Variants in CAB39L observed in about 807,000 individuals in gnomAD.
CAB39L encodes calcium-binding protein 39-like.
Under a neutral mutation model 39.1 loss-of-function variants are expected in CAB39L, and 23 were observed. That is an observed-to-expected ratio of 0.59 (90% CI 0.42 to 0.83). The LOEUF (loss-of-function observed/expected upper bound fraction) is 0.83. Among genes scored for constraint, CAB39L ranks in the 40% least tolerant of loss-of-function variants. CAB39L has a pLI of 0.00. For synonymous variants in CAB39L, 126 were observed against 137.2 expected (o/e 0.92, Z 0.57); for missense variants, 366 against 391.9 (o/e 0.93, Z 0.56).
chr13:49,428,562 T>C (rs888769765), intron 3 of CAB39L, among the ~76,000 whole-genome samples: 11 of 152,106 alleles, frequency 7.2e-5, no homozygotes, highest in Non-Finnish European at 1.0e-4. Context: ...TGCAGTGGCT[T>C]GGCAATTCCA....
chr13:49,439,506 T>A (rs954073961), intron 1 of CAB39L, among the ~76,000 whole-genome samples: 2 of 152,204 alleles, frequency 1.3e-5, no homozygotes, highest in Non-Finnish European at 2.9e-5. Flanking sequence ...GATGGACACA[T>A]AGGTTGATTC....
rs768858846 is a variant in CAB39L at position 49,310,975 on chromosome 13, G to A, written c.853C>T (p.His285Tyr). The change falls in exon 11 of 11, where the codon CAC becomes TAC. Residue 285 changes from histidine to tyrosine, a missense_variant. His to Tyr is a moderately conservative substitution (Grantham distance 83, BLOSUM62 2). Transcript: ENST00000409308. ...ATCTCCACAATAGGCTGTGTTTTGT[G>A]AGGACTGGCCACAAACACCTGAAAC... is the stretch of plus-strand genomic sequence containing the variant. ...HVFKVFVASP[H>Y]KTQPIVEILL... is the part of the protein sequence containing the mutation. The A allele has an allele frequency of 1.2e-5, 19 of 1,613,774 alleles. No individual in the cohort carries two copies. Among genetic ancestry groups the A allele is most frequent in the Non-Finnish European group, 1.6e-5 (19 of 1,179,848 alleles).
intron 6 of CAB39L, among the ~76,000 whole-genome samples, chr13:49,353,629 T>C (rs1045203427): frequency 1.3e-5 from 2 of 152,052 alleles, no homozygotes; most frequent in African/African-American, 4.8e-5. Flanking sequence ...ATCACTACAA[T>C]TCAGGATTAT....
intron 3 of CAB39L, among the ~76,000 whole-genome samples, chr13:49,400,443 A>AC (rs1956739878): frequency 2.9e-5 from 4 of 138,550 alleles, no homozygotes; most frequent in African/African-American, 1.1e-4. Context: ...TACAAACACA[A>AC]ACACACACAC....
At chr13:49,378,246 C>G (rs543470860) in intron 4 of CAB39L, among the ~76,000 whole-genome samples, 1 of 93,220 alleles carries the variant, frequency 1.1e-5, no homozygotes, top group East Asian at 2.1e-4. Flanking sequence ...GCAGCCACCC[C>G]GTCAGGGAGG....
chr13:49,416,185 G>T (rs1020237985), intron 3 of CAB39L, among the ~76,000 whole-genome samples: 1 of 152,192 alleles, frequency 6.6e-6, no homozygotes, highest in African/African-American at 2.4e-5. Context: ...ACTAAACTGG[G>T]TTGTAGTGAG....
At chr13:49,329,560 T>C (rs1299398986) in intron 10 of CAB39L, among the ~76,000 whole-genome samples, 3 of 18,262 alleles carry the variant, frequency 1.6e-4, no homozygotes, top group African/African-American at 1.0e-3. Flanking sequence ...TATATATATA[T>C]ATATATATAT....
At position 49,441,438 on chromosome 13, in the gene CAB39L, A is replaced by G. The variant is rs1466182523; in HGVS notation, c.-246+2548T>C. 2.6e-5 allele frequency among the ~76,000 whole-genome samples: 4 copies of G among 151,554 alleles called. No homozygotes were observed. The South Asian group carries it at 8.3e-4, about 32-fold the overall frequency. ...AAAAATTAGCCAGGCATGGTGGCAC[A>G]TATCTATAGTCCCAGCTACTCTTGA... On this transcript the variant is annotated intron_variant, in intron 1 of 10. Transcript: ENST00000409308.
intron 3 of CAB39L, among the ~76,000 whole-genome samples, chr13:49,396,437 G>A (rs984862902): frequency 4.6e-5 from 7 of 152,114 alleles, no homozygotes; most frequent in Non-Finnish European, 5.9e-5. Flanking sequence ...GGCCAGGCGC[G>A]GTGGCTCACA....
intron 10 of CAB39L, among the ~76,000 whole-genome samples, chr13:49,319,387 T>C (rs1280377721): frequency 6.6e-6 from 1 of 152,038 alleles, no homozygotes; most frequent in Non-Finnish European, 1.5e-5. Context: ...ATATCTGGAA[T>C]AGGCAGATCC....
chr13:49,410,196 G>A (rs949452127), intron 3 of CAB39L, among the ~76,000 whole-genome samples: 1 of 152,160 alleles, frequency 6.6e-6, no homozygotes, highest in Admixed American at 6.5e-5. Context: ...CATAACCACA[G>A]GCAGATGGTG....
At chr13:49,369,672 C>T (rs1202408715) in intron 5 of CAB39L, among the ~76,000 whole-genome samples, 1 of 151,678 alleles carries the variant, frequency 6.6e-6, no homozygotes, top group Non-Finnish European at 1.5e-5. Context: ...ACTGCAACCT[C>T]CACCTGCCAG....
chr13:49,396,097 C>CAAA (rs58073071), intron 3 of CAB39L, among the ~76,000 whole-genome samples: 9 of 123,514 alleles, frequency 7.3e-5, no homozygotes, highest in Admixed American at 2.4e-4. Flanking sequence ...GACTCTGTCT[C>CAAA]AAAAAAAAAA....
chr13:49,335,173 T>C (rs1467704873), intron 9 of CAB39L, among the ~76,000 whole-genome samples: 2 of 152,182 alleles, frequency 1.3e-5, no homozygotes, highest in Non-Finnish European at 2.9e-5. Context: ...TATACAAAAA[T>C]AATCAAATAC....
chr13:49,406,169 CTT>C (rs1215587782), intron 3 of CAB39L, among the ~76,000 whole-genome samples: 27 of 134,390 alleles, frequency 2.0e-4, no homozygotes, highest in Admixed American at 2.2e-4. Flanking sequence ...TTGGAATGCT[CTT>C]TTTTTTTTTT....
intron 10 of CAB39L, among the ~76,000 whole-genome samples, chr13:49,328,660 AT>A: frequency 6.6e-6 from 1 of 152,214 alleles, no homozygotes; most frequent in South Asian, 2.1e-4. Context: ...GCGAGACCTC[AT>A]CACTGCAAAT....
intron 1 of CAB39L, among the ~76,000 whole-genome samples, chr13:49,440,642 A>G (rs1401950944): frequency 6.6e-6 from 1 of 151,474 alleles, no homozygotes; most frequent in Non-Finnish European, 1.5e-5. Context: ...TGTGTCATCA[A>G]TGATTTCTTT....
Position 49,377,001 on chromosome 13 carries a change from G to A in CAB39L, c.242C>T (p.Thr81Ile). 1 of 1,612,612 alleles carries A rather than the reference G, an allele frequency of 6.2e-7. No homozygotes were observed. The highest frequency in any genetic ancestry group is 8.5e-7 in the Non-Finnish European group (1 of 1,179,042). Residue 81 changes from threonine to isoleucine, a missense_variant, in exon 5 of 11, where the codon ACA (threonine) becomes ATA (isoleucine). Coordinates refer to ENST00000409308, the MANE Select transcript of CAB39L (RefSeq NM_001079670.3). ...TATCAGCTGCAGGTCAGCTATCAGT[G>A]TCACTAGCAGGCCACTGCTGTAGAG... The part of the protein sequence containing the change: ...QELYSSGLLV[T>I]LIADLQLIDF...
intron 10 of CAB39L, among the ~76,000 whole-genome samples, chr13:49,315,950 T>C (rs73186850): frequency 0.025 from 3,688 of 150,320 alleles, 63 homozygotes; most frequent in Non-Finnish European, 0.036. Flanking sequence ...TTTTATAGCT[T>C]AAGGAACTAG....
Sources: allele counts gnomAD v4.1 joint callset (sites outside exome capture counted in the v4.1 genomes callset), GRCh38; gene constraint gnomAD v4.1.1; transcripts MANE v1.5; gene names NCBI Gene and HGNC (gene_info 2026-07-23, HGNC 2026-07-21).